Variants in DPF3 observed in about 807,000 individuals in gnomAD.
DPF3 encodes zinc finger protein DPF3.
A neutral mutation model predicts 56.8 loss-of-function variants in DPF3; 18 were observed. That is an observed-to-expected ratio of 0.32 (90% CI 0.22 to 0.47). DPF3 has a LOEUF of 0.47. Ranked by LOEUF, DPF3 falls within the 20% of genes least tolerant of loss-of-function variation. The pLI is 1.00. For synonymous variants in DPF3, 188 were observed against 180.2 expected (o/e 1.04, Z -0.35); for missense variants, 403 against 488.8 (o/e 0.82, Z 1.65).
intron 8 of DPF3, among the ~76,000 whole-genome samples, chr14:72,651,699 G>A (rs1384150055): frequency 6.6e-6 from 1 of 152,154 alleles, no homozygotes; most frequent in Non-Finnish European, 1.5e-5. Flanking sequence ...CCTTAAAATG[G>A]GGTAACAAGA....
chr14:72,685,476 T>C (rs914189440), intron 7 of DPF3, among the ~76,000 whole-genome samples: 4 of 152,256 alleles, frequency 2.6e-5, no homozygotes, highest in African/African-American at 9.6e-5. Flanking sequence ...TTCCGTCATC[T>C]CTTTCCCTCT....
At chr14:72,808,008 T>TGCCC (rs1459900031) in intron 1 of DPF3, among the ~76,000 whole-genome samples, 1 of 152,002 alleles carries the variant, frequency 6.6e-6, no homozygotes, top group South Asian at 2.1e-4. Flanking sequence ...GAGAAACAAA[T>TGCCC]GCCCTCCCTC....
At chr14:72,648,604 T>C (rs1885799423) in intron 8 of DPF3, among the ~76,000 whole-genome samples, 1 of 148,634 alleles carries the variant, frequency 6.7e-6, no homozygotes, top group African/African-American at 2.5e-5. Flanking sequence ...AACGATCGCA[T>C]CTTCTCCATG....
chr14:72,670,541 C>A, intron 8 of DPF3: 5 of 949,506 alleles, frequency 5.3e-6, no homozygotes, highest in Non-Finnish European at 6.1e-6. Context: ...CTCCGTGGGG[C>A]ACAGAATAGT....
chr14:72,862,739 T>C (rs1423094060), intron 1 of DPF3, among the ~76,000 whole-genome samples: 2 of 152,176 alleles, frequency 1.3e-5, no homozygotes, highest in Admixed American at 6.5e-5. Flanking sequence ...GACCCTCAAA[T>C]GTTGCTTCTC....
chr14:72,791,215 A>G (rs1199254350), intron 1 of DPF3, among the ~76,000 whole-genome samples: 1 of 151,898 alleles, frequency 6.6e-6, no homozygotes, highest in Non-Finnish European at 1.5e-5. Context: ...ATGTTACTAA[A>G]CACTCCTCAG....
intron 9 of DPF3, among the ~76,000 whole-genome samples, chr14:72,628,517 C>T (rs996196163): frequency 3.0e-4 from 45 of 152,052 alleles, no homozygotes; most frequent in Non-Finnish European, 1.5e-4. Context: ...CAACCCCTAA[C>T]AAAATAGTCA....
At position 72,626,950 on chromosome 14, in the gene DPF3, G is replaced by A. The variant is rs565862305; in HGVS notation, c.984+2674C>T. 6.7e-5 allele frequency among the ~76,000 whole-genome samples: 10 copies of A among 149,328 alleles called. 1 individual carries two copies. The South Asian group carries it at 2.1e-3, about 32-fold the overall frequency. ...CTTTTTTTTTTTTTTGCATCTTTAA[G>A]GGTCATTTTTATATCTTTTGTGGGT... On this transcript the variant is annotated intron_variant, in intron 9 of 10. Coordinates refer to ENST00000556509, the MANE Select transcript of DPF3 (RefSeq NM_001280542.3).
intron 9 of DPF3, among the ~76,000 whole-genome samples, chr14:72,622,223 A>AAAGAGTTTACTGAGAAGAAGGCC: frequency 6.6e-6 from 1 of 152,324 alleles, no homozygotes. Context: ...CAAGGACCCA[A>AAAGAGTTTACTGAGAAGAAGGCC]AAGAGTTTAC....
At chr14:72,817,062 C>T (rs536103249) in intron 1 of DPF3, among the ~76,000 whole-genome samples, 2 of 152,316 alleles carry the variant, frequency 1.3e-5, no homozygotes, top group South Asian at 4.1e-4. Context: ...AGCCAACCTA[C>T]ATGATGCAAA....
chr14:72,834,216 G>A (rs1423032820), intron 1 of DPF3, among the ~76,000 whole-genome samples: 1 of 151,804 alleles, frequency 6.6e-6, no homozygotes, highest in East Asian at 1.9e-4. Context: ...CCACAATGAG[G>A]CCAGGCATGG....
At chr14:72,850,718 A>T (rs1012147424) in intron 1 of DPF3, among the ~76,000 whole-genome samples, 10 of 152,190 alleles carry the variant, frequency 6.6e-5, no homozygotes, top group Non-Finnish European at 1.3e-4. Context: ...GGTTCAGATT[A>T]TACACCCTGA....
chr14:72,656,469 G>A (rs1457768336), intron 8 of DPF3, among the ~76,000 whole-genome samples: 3 of 152,204 alleles, frequency 2.0e-5, no homozygotes, highest in Non-Finnish European at 2.9e-5. Context: ...CAAGCAGATT[G>A]ATGCTAAACC....
Position 72,764,481 on chromosome 14 carries a change from G to GTTGTTT in DPF3, c.193+7246_193+7251dup, listed in dbSNP as rs1891184363. On this transcript the variant is annotated intron_variant, in intron 2 of 10. Transcript: ENST00000556509. The stretch of plus-strand genomic sequence containing the variant: ...TCTAGTATGCAAACTATTTTCCTGA[G>GTTGTTT]TTGTTTTTTTTTTTTTTTTTTTTTT... Among the ~76,000 whole-genome samples the GTTGTTT allele has an allele frequency of 3.9e-5, 4 of 101,534 alleles. No individual in the cohort carries two copies. In the South Asian group the frequency reaches 1.0e-3, roughly 26 times the overall value. The allele number at this position is 101,534 out of a possible 152,430, so 66.6% of individuals were successfully genotyped here.
At chr14:72,649,661 G>GGGGC (rs1555491970) in intron 8 of DPF3, among the ~76,000 whole-genome samples, 1 of 79,782 alleles carries the variant, frequency 1.3e-5, no homozygotes, top group Non-Finnish European at 2.5e-5. Context: ...ATCCCTGGGT[G>GGGGC]GGGGGGGGGA....
At chr14:72,810,385 G>A (rs1055789060) in intron 1 of DPF3, among the ~76,000 whole-genome samples, 1 of 152,304 alleles carries the variant, frequency 6.6e-6, no homozygotes, top group Non-Finnish European at 1.5e-5. Flanking sequence ...AGAGACGGGC[G>A]GAGAATGTGA....
intron 9 of DPF3, 129 bp downstream of exon 9, chr14:72,629,495 G>T: frequency 1.3e-6 from 1 of 764,704 alleles, no homozygotes; most frequent in Non-Finnish European, 2.1e-6. Context: ...CTAATGGCCA[G>T]GTTGCTCCCA....
chr14:72,767,665 C>T (rs550217557), intron 2 of DPF3, among the ~76,000 whole-genome samples: 46 of 143,174 alleles, frequency 3.2e-4, no homozygotes, highest in Non-Finnish European at 5.1e-4. Flanking sequence ...AAAGATCTAA[C>T]ATTTGTGTTG....
At chr14:72,770,623 A>C (rs1188136768) in intron 2 of DPF3, among the ~76,000 whole-genome samples, 1 of 152,250 alleles carries the variant, frequency 6.6e-6, no homozygotes, top group East Asian at 1.9e-4. Context: ...CAGGGAGAAA[A>C]GTAAGGAGTG....
Sources: allele counts gnomAD v4.1 joint callset (sites outside exome capture counted in the v4.1 genomes callset), GRCh38; gene constraint gnomAD v4.1.1; transcripts MANE v1.5; gene names NCBI Gene and HGNC (gene_info 2026-07-23, HGNC 2026-07-21).